R3HDM2: variants seen among roughly 807,000 people sequenced by gnomAD.
R3HDM2 encodes R3H domain-containing protein 2.
Under a neutral mutation model 124.5 loss-of-function variants are expected in R3HDM2, and 38 were observed. That is an observed-to-expected ratio of 0.31 (90% CI 0.24 to 0.40). The LOEUF (loss-of-function observed/expected upper bound fraction) is 0.40. Ranked by LOEUF, R3HDM2 falls within the 10% of genes least tolerant of loss-of-function variation. R3HDM2 has a pLI of 1.00. For missense variants in R3HDM2, 869 were observed against 1,236.9 expected (o/e 0.70, Z 4.46); for synonymous variants, 391 against 448.0 (o/e 0.87, Z 1.61).
chr12:57,366,283 G>T (rs544897674), intron 2 of R3HDM2, among the ~76,000 whole-genome samples: 18 of 152,092 alleles, frequency 1.2e-4, no homozygotes, highest in Non-Finnish European at 2.2e-4. Context: ...GTTTCCCAAA[G>T]TGCTGGGATT....
chr12:57,357,703 T>G (rs557541573), intron 2 of R3HDM2, among the ~76,000 whole-genome samples: 1 of 151,636 alleles, frequency 6.6e-6, no homozygotes, highest in East Asian at 1.9e-4. Context: ...TCTTTACAAT[T>G]TCCTCTCCTT....
chr12:57,425,856 C>T (rs1247959748), intron 1 of R3HDM2, among the ~76,000 whole-genome samples: 1 of 152,140 alleles, frequency 6.6e-6, no homozygotes, highest in Non-Finnish European at 1.5e-5. Flanking sequence ...AGTAGCCAAA[C>T]CGCCCCAAAG....
In R3HDM2 at chr12:57,254,501, C is replaced by CAAAAAA. The variant is rs67514723; in HGVS notation, c.*266_*271dup. ...GGGTGACAAGAGCGAAACTCCGTCT[C>CAAAAAA]AAAAAAAAAAAAAAAAAAAAAAAGA... On this transcript the variant is annotated 3_prime_UTR_variant, in exon 24 of 24. Transcript: ENST00000402412. The CAAAAAA allele has an allele frequency of 2.5e-4, 26 of 102,010 alleles. No individual in the cohort carries two copies. The highest frequency in any genetic ancestry group is 4.9e-4 in the South Asian group (3 of 6,104). The allele number at this position is 102,010 out of a possible 1,614,324, so 6.3% of individuals were successfully genotyped here.
chr12:57,258,497 A>T (rs1185741231), intron 20 of R3HDM2, among the ~76,000 whole-genome samples: 1 of 151,960 alleles, frequency 6.6e-6, no homozygotes, highest in Non-Finnish European at 1.5e-5. Context: ...GGTGCCCACC[A>T]TCACGCCTGG....
chr12:57,394,152 C>T (rs1423551129), intron 2 of R3HDM2, among the ~76,000 whole-genome samples: 2 of 151,664 alleles, frequency 1.3e-5, no homozygotes, highest in Non-Finnish European at 2.9e-5. Context: ...AAAAAATTAG[C>T]CAGGTGTGGT....
chr12:57,273,540 C>T (rs2044047928), intron 14 of R3HDM2, among the ~76,000 whole-genome samples: 1 of 152,146 alleles, frequency 6.6e-6, no homozygotes, highest in Non-Finnish European at 1.5e-5. Context: ...CAGCCTCACA[C>T]AAGAATCCTA....
chr12:57,317,855 C>CT (rs1002621171), intron 2 of R3HDM2, among the ~76,000 whole-genome samples: 2 of 151,310 alleles, frequency 1.3e-5, no homozygotes, highest in African/African-American at 4.9e-5. Context: ...TGGGGGGTGC[C>CT]TGTAATCCCA....
chr12:57,382,327 G>A (rs993741242), intron 2 of R3HDM2, among the ~76,000 whole-genome samples: 17 of 150,932 alleles, frequency 1.1e-4, no homozygotes, highest in Non-Finnish European at 2.4e-4. Context: ...GTCCAGGCTG[G>A]TCTCAGACTC....
In R3HDM2 at chr12:57,255,015, T is replaced by A; in HGVS notation, c.2731A>T (p.Ile911Phe). 3.7e-6 allele frequency: 6 copies of A among 1,613,126 alleles called. No homozygotes were observed. The highest frequency in any genetic ancestry group is 5.1e-6 in the Non-Finnish European group (6 of 1,179,838). ...FTQLAMSGAK[I>F]QWLKDAQGLP... ...CCCTGAGCATCCTTGAGCCACTGGA[T>A]CTTGGCGCCAGACATGGCGAGCTGC... The change falls in exon 24 of 24, where the codon ATC becomes TTC. Residue 911 changes from isoleucine (I) to phenylalanine (F), a missense_variant. This residue lies in a region of R3HDM2 where 602 missense variants were observed against 789.2 expected (regional missense o/e 0.76). Transcript: ENST00000402412.
At chr12:57,257,862 G>A (rs2039518064) in intron 21 of R3HDM2, 128 bp downstream of exon 21, 1 of 1,038,084 alleles carries the variant, frequency 9.6e-7, no homozygotes, top group Non-Finnish European at 1.3e-6. Flanking sequence ...GTTAAAGGAA[G>A]AGTTAACTCC....
At chr12:57,363,891 G>A (rs1593956450) in intron 2 of R3HDM2, among the ~76,000 whole-genome samples, 1 of 151,346 alleles carries the variant, frequency 6.6e-6, no homozygotes, top group South Asian at 2.1e-4. Flanking sequence ...GCAAAAGAAT[G>A]AACTTCCTAT....
chr12:57,312,420 A>C lies in R3HDM2; in HGVS notation c.-35-1957T>G, dbSNP rs138012069. Among the ~76,000 whole-genome samples, 655 of 151,598 alleles carry C rather than the reference A, an allele frequency of 4.3e-3. 3 individuals carry two copies. Among genetic ancestry groups the C allele is most frequent in the Admixed American group, 4.4e-3 (67 of 15,178 alleles). ...ACTCCTGCGTTCAGGGAGTGGTGGC[A>C]TGTGCCTGTAGTTCTAGCTACTCAG... On this transcript the variant is annotated intron_variant, in intron 2 of 23. Transcript: ENST00000402412.
At chr12:57,276,101 T>C (rs936666317) in intron 14 of R3HDM2, among the ~76,000 whole-genome samples, 7 of 151,076 alleles carry the variant, frequency 4.6e-5, no homozygotes, top group South Asian at 4.2e-4. Context: ...CCTGTAGTCC[T>C]AGCTACTCGG....
In R3HDM2 at chr12:57,296,044, A is replaced by AT. The variant is rs1303453228; in HGVS notation, c.701+366dup. On this transcript the variant is annotated intron_variant, in intron 9 of 23. Transcript: ENST00000402412. The surrounding 1 kb of genome is among the most constrained non-coding windows in gnomAD (Gnocchi z 4.5). ...GCCACCGCGCCCGGCTAATTTTTGTATTTTTAGTAGAGACGGGGTTTCACC... is the reference window on the plus strand; with the variant it reads ...GCCACCGCGCCCGGCTAATTTTTGTATTTTTTAGTAGAGACGGGGTTTCACC... Among the ~76,000 whole-genome samples, 1 of 150,796 alleles carries AT rather than the reference A, an allele frequency of 6.6e-6. No individual in the cohort carries two copies. The highest frequency in any genetic ancestry group is 1.5e-5 in the Non-Finnish European group (1 of 67,760).
chr12:57,282,274 G>A (rs576618704), intron 13 of R3HDM2, among the ~76,000 whole-genome samples: 1 of 149,372 alleles, frequency 6.7e-6, no homozygotes, highest in Admixed American at 6.7e-5. Flanking sequence ...TCGTGCCATT[G>A]CGTAACAAGA....
chr12:57,286,471 C>T (rs942361906), intron 12 of R3HDM2, among the ~76,000 whole-genome samples: 2 of 152,148 alleles, frequency 1.3e-5, no homozygotes, highest in East Asian at 1.9e-4. Context: ...TAATCATTAG[C>T]GTTTTGGACT....
intron 1 of R3HDM2, chr12:57,415,166 G>T (rs7136699): frequency 1.3e-5 from 2 of 152,248 alleles, no homozygotes; most frequent in South Asian, 4.1e-4. Flanking sequence ...GAATTTTTTT[G>T]AACTATCAAA....
intron 12 of R3HDM2, among the ~76,000 whole-genome samples, chr12:57,285,446 A>AGT (rs34223001): frequency 0.42 from 61,933 of 147,546 alleles, 13,382 homozygotes; most frequent in South Asian, 0.53. Context: ...AGAGAGAGAG[A>AGT]GTGTGTGTGT....
intron 1 of R3HDM2, among the ~76,000 whole-genome samples, chr12:57,430,286 C>T (rs1869450856): frequency 1.3e-5 from 2 of 152,192 alleles, no homozygotes; most frequent in Admixed American, 6.5e-5. Context: ...TATGTGCCAA[C>T]TCAAATCCCC....
Sources: allele counts gnomAD v4.1 joint callset (sites outside exome capture counted in the v4.1 genomes callset), GRCh38; gene constraint gnomAD v4.1.1; regional missense constraint gnomAD v4.1.1; non-coding constraint Gnocchi (gnomAD v3.1); transcripts MANE v1.5; gene names NCBI Gene and HGNC (gene_info 2026-07-23, HGNC 2026-07-21).